The following IRS1 variants were observed in gnomAD, a reference collection of about 807,000 sequenced individuals.
IRS1 encodes the protein insulin receptor substrate 1.
IRS1 carries 34 observed loss-of-function variants against 65.6 expected under a neutral mutation model. That is an observed-to-expected ratio of 0.52 (90% confidence interval 0.39 to 0.69). The LOEUF (loss-of-function observed/expected upper bound fraction) is 0.69, where lower values mean the gene tolerates loss of function less well. Among genes scored for constraint, IRS1 ranks in the 30% least tolerant of loss-of-function variants. The pLI is 0.00. For synonymous variants in IRS1, 699 were observed against 683.5 expected, an observed-to-expected ratio of 1.02 and a Z score of -0.35; for missense variants, 1,641 against 1,720.2, an observed-to-expected ratio of 0.95 and a Z score of 0.81.
intron 1 of IRS1, among the ~76,000 whole-genome samples, chr2:226,751,616 G>A (rs1193291045): frequency 6.6e-6 from 1 of 151,990 alleles, no homozygotes; most frequent in Non-Finnish European, 1.5e-5. Context: ...TAGTGTTCAG[G>A]CTAAGGAGAA....
intron 1 of IRS1, among the ~76,000 whole-genome samples, chr2:226,749,091 C>T (rs1938617362): frequency 6.6e-6 from 1 of 152,150 alleles, no homozygotes; most frequent in Non-Finnish European, 1.5e-5. Context: ...ACCTTACTAT[C>T]AAACATCAAC....
Position 226,797,940 on chromosome 2 carries a change from G to T in IRS1, c.799C>A (p.Arg267Ser), listed in dbSNP as rs777430126. ...MRAMSDEFRP[R>S]SKSQSSSNCS... ...TTGGACGAGGACTGGCTCTTGCTGCGAGGGCGGAACTCATCACTCATGGCC... is the reference window on the plus strand; with the variant it reads ...TTGGACGAGGACTGGCTCTTGCTGCTAGGGCGGAACTCATCACTCATGGCC... Residue 267 changes from arginine to serine, a missense_variant, in exon 1 of 2, where the codon CGC becomes AGC. Physicochemically the swap from Arg to Ser is moderately radical, Grantham distance 110. Coordinates refer to ENST00000305123, the MANE Select transcript of IRS1 (RefSeq NM_005544.3). The surrounding 1 kb of genome is among the most constrained non-coding windows in gnomAD (Gnocchi z 8.1). 6.2e-7 allele frequency: 1 copy of T among 1,614,058 alleles called. No individual in the cohort carries two copies. Among genetic ancestry groups the T allele is most frequent in the Non-Finnish European group, 8.5e-7 (1 of 1,180,014 alleles).
chr2:226,796,923 G>A lies in IRS1; in HGVS notation c.1816C>T (p.Leu606Phe). 1.9e-6 allele frequency: 3 copies of A among 1,549,324 alleles called. No individual in the cohort carries two copies. The highest frequency in any genetic ancestry group is 2.6e-6 in the Non-Finnish European group (3 of 1,146,178). The change falls in exon 1 of 2, where the codon CTC (leucine) becomes TTC (phenylalanine). Residue 606 changes from leucine (L) to phenylalanine (F), a missense_variant. Coordinates refer to ENST00000305123, the MANE Select transcript of IRS1 (RefSeq NM_005544.3). Reference sequence around the variant, plus strand: ...GGCATGTAGCCATCATCCGTGTGGAGGGTGGAGCTGTCTGGGCGGTGGTGC... The same window carrying A: ...GGCATGTAGCCATCATCCGTGTGGAAGGTGGAGCTGTCTGGGCGGTGGTGC... ...GGHHRPDSST[L>F]HTDDGYMPMS...
At chr2:226,767,537 A>G (rs948474653) in intron 1 of IRS1, among the ~76,000 whole-genome samples, 2 of 152,214 alleles carry the variant, frequency 1.3e-5, no homozygotes, top group African/African-American at 4.8e-5. Flanking sequence ...AAGAAACCAG[A>G]GCACACATGT....
At position 226,799,768 on chromosome 2, in the gene IRS1, G is replaced by C. The variant is rs547572458; in HGVS notation, c.-1030C>G. ...CTCCGACCGCGCCGCCGTCTCACTC[G>C]GAGGAGAAAAACACGTGACGGAGCC... On this transcript the variant is annotated 5_prime_UTR_variant, in exon 1 of 2. Transcript: ENST00000305123. This position sits in a 1 kb window ranked among gnomAD's most constrained non-coding sequence, Gnocchi z 6.1. 1.0e-6 allele frequency: 1 copy of C among 997,324 alleles called. No individual in the cohort carries two copies. The highest frequency in any genetic ancestry group is 1.2e-6 in the Non-Finnish European group (1 of 830,030). 61.8% of individuals were successfully genotyped at this position (997,324 alleles called of 1,614,324 possible). A position where few individuals can be genotyped will look rare whatever the true frequency, so the allele number is the denominator to read the frequency against.
intron 1 of IRS1, among the ~76,000 whole-genome samples, chr2:226,737,042 C>G (rs1257831841): frequency 6.6e-6 from 1 of 151,670 alleles, no homozygotes; most frequent in Non-Finnish European, 1.5e-5. Flanking sequence ...GCTGCACCCA[C>G]TAACTCGTCA....
At chr2:226,784,868 G>A (rs1264349756) in intron 1 of IRS1, among the ~76,000 whole-genome samples, 2 of 152,246 alleles carry the variant, frequency 1.3e-5, no homozygotes, top group African/African-American at 4.8e-5. Context: ...CACTAGAGAA[G>A]CTCCTCTTTG....
intron 1 of IRS1, among the ~76,000 whole-genome samples, chr2:226,768,983 C>G (rs1939112550): frequency 6.6e-6 from 1 of 152,178 alleles, no homozygotes; most frequent in African/African-American, 2.4e-5. Flanking sequence ...ACAGATGGTG[C>G]CTTCAGTGAC....
chr2:226,792,017 A>G (rs1033646178), intron 1 of IRS1: 1 of 152,436 alleles, frequency 6.6e-6, no homozygotes, highest in Non-Finnish European at 1.5e-5. Flanking sequence ...GCCAGCCAAA[A>G]AGGCCACAGG....
At chr2:226,771,703 G>A (rs1376094795) in intron 1 of IRS1, among the ~76,000 whole-genome samples, 1 of 151,760 alleles carries the variant, frequency 6.6e-6, no homozygotes, top group Non-Finnish European at 1.5e-5. Flanking sequence ...CTTCTGCCTG[G>A]CACAGCACAC....
Position 226,794,906 on chromosome 2 carries a change from G to A in IRS1, c.*21+83C>T, listed in dbSNP as rs1939677458. 2 of 1,225,468 alleles carry A rather than the reference G, an allele frequency of 1.6e-6. No individual in the cohort carries two copies. The highest frequency in any genetic ancestry group is 2.4e-6 in the Non-Finnish European group (2 of 835,666). The allele number at this position is 1,225,468 out of a possible 1,614,324, so 75.9% of individuals were successfully genotyped here. ...CCTGAGGAAGCAGTGGGAAAGAACAGGAAGGGGCAGAGGCGAAGAACAGAA... is the reference window on the plus strand; with the variant it reads ...CCTGAGGAAGCAGTGGGAAAGAACAAGAAGGGGCAGAGGCGAAGAACAGAA... On this transcript the variant is annotated intron_variant, in intron 1 of 1. Coordinates refer to ENST00000305123, the MANE Select transcript of IRS1 (RefSeq NM_005544.3). The surrounding 1 kb of genome is among the most constrained non-coding windows in gnomAD (Gnocchi z 4.1).
rs1274368407 is a variant in IRS1 at position 226,731,889 on chromosome 2, C to T, written c.*4383G>A. 6.6e-6 allele frequency: 1 copy of T among 151,966 alleles called. No homozygotes were observed. Among genetic ancestry groups the T allele is most frequent in the East Asian group, 1.9e-4 (1 of 5,190 alleles). 9.4% of individuals were successfully genotyped at this position (151,966 alleles called of 1,614,324 possible). A position where few individuals can be genotyped will look rare whatever the true frequency, so the allele number is the denominator to read the frequency against. The stretch of plus-strand genomic sequence containing the variant: ...TCTATGCAAATATGGACAAGTTTTC[C>T]TGTTTACTGAATTTGTCCTATCCTA... On this transcript the variant is annotated 3_prime_UTR_variant, in exon 2 of 2. Coordinates refer to ENST00000305123, the MANE Select transcript of IRS1 (RefSeq NM_005544.3).
intron 1 of IRS1, among the ~76,000 whole-genome samples, chr2:226,782,535 A>G (rs1939403039): frequency 6.6e-6 from 1 of 152,106 alleles, no homozygotes; most frequent in Non-Finnish European, 1.5e-5. Flanking sequence ...CCCCAGACAA[A>G]ATGCCCAGCG....
Position 226,736,136 on chromosome 2 carries a change from C to T in IRS1, c.*136G>A, listed in dbSNP as rs1050334239. 2 of 152,372 alleles carry T rather than the reference C, an allele frequency of 1.3e-5. No individual in the cohort carries two copies. Among genetic ancestry groups the T allele is most frequent in the Admixed American group, 6.6e-5 (1 of 15,236 alleles). The allele number at this position is 152,372 out of a possible 1,614,324, so 9.4% of individuals were successfully genotyped here. A position where few individuals can be genotyped will look rare whatever the true frequency, so the allele number is the denominator to read the frequency against. ...AGTAAACAAACTGAAATGGATGCAT[C>T]GTACCATCTACTGATGAGGAAGATA... On this transcript the variant is annotated 3_prime_UTR_variant, in exon 2 of 2. Transcript: ENST00000305123.
chr2:226,767,190 C>T (rs141416744), intron 1 of IRS1, among the ~76,000 whole-genome samples: 9 of 152,276 alleles, frequency 5.9e-5, no homozygotes, highest in Admixed American at 1.3e-4. Context: ...TGAACTAATA[C>T]TCTACTTCCT....
chr2:226,748,415 C>T (rs1380985260), intron 1 of IRS1, among the ~76,000 whole-genome samples: 3 of 126,182 alleles, frequency 2.4e-5, no homozygotes, highest in African/African-American at 6.1e-5. Flanking sequence ...GGAAACAGAG[C>T]GAGACTCTGT....
chr2:226,786,734 G>C (rs1289214786), intron 1 of IRS1, among the ~76,000 whole-genome samples: 1 of 126,996 alleles, frequency 7.9e-6, no homozygotes, highest in Non-Finnish European at 1.7e-5. Flanking sequence ...AAAATACAGA[G>C]AAAAAAATAG....
rs1939831315 is a variant in IRS1 at position 226,799,049 on chromosome 2, AG to A, written c.-312del. The A allele has an allele frequency of 1.4e-5, 19 of 1,343,698 alleles. No individual in the cohort carries two copies. The South Asian group carries it at 3.0e-4, about 21-fold the overall frequency. The allele number at this position is 1,343,698 out of a possible 1,614,324, so 83.2% of individuals were successfully genotyped here. A position where few individuals can be genotyped will look rare whatever the true frequency, so the allele number is the denominator to read the frequency against. ...TCTCCTCTCAGCCGCCGCCGCCACC[AG>A]GAAGGAGCGAAGATGCATCTCTCGT... On this transcript the variant is annotated 5_prime_UTR_variant, in exon 1 of 2. The change abolishes the stop of an existing upstream ORF in the 5' untranslated region. Transcript: ENST00000305123. The surrounding 1 kb of genome is among the most constrained non-coding windows in gnomAD (Gnocchi z 6.1).
At chr2:226,745,528 T>C (rs1486141072) in intron 1 of IRS1, among the ~76,000 whole-genome samples, 4 of 152,212 alleles carry the variant, frequency 2.6e-5, no homozygotes, top group Non-Finnish European at 5.9e-5. Context: ...TCTCTCAGTG[T>C]TCTTTTCTCT....
Sources: allele counts gnomAD v4.1 joint callset (sites outside exome capture counted in the v4.1 genomes callset), GRCh38; gene constraint gnomAD v4.1.1; non-coding constraint Gnocchi (gnomAD v3.1); transcripts MANE v1.5; gene names NCBI Gene and HGNC (gene_info 2026-07-23, HGNC 2026-07-21).